The following NCAM1 variants were observed in gnomAD, a reference collection of about 807,000 sequenced individuals.
NCAM1 encodes the protein antigen recognized by monoclonal antibody 5.1H11.
In NCAM1, 14 loss-of-function variants were observed where a neutral mutation model predicts 109.8. The observed-to-expected ratio is 0.13, with a 90% CI of 0.08 to 0.20. NCAM1 has a LOEUF of 0.20. NCAM1 is among the 10% of genes least tolerant of loss of function. The pLI is 1.00. For synonymous variants in NCAM1, 418 were observed against 442.9 expected (o/e 0.94, Z 0.70); for missense variants, 774 against 1,109.9 (o/e 0.70, Z 4.30).
chr11:113,162,348 A>G (rs1942629593), intron 1 of NCAM1, among the ~76,000 whole-genome samples: 1 of 152,166 alleles, frequency 6.6e-6, no homozygotes, highest in Admixed American at 6.5e-5. Context: ...ATCCCATCTC[A>G]GGCTCCAGGT....
intron 1 of NCAM1, among the ~76,000 whole-genome samples, chr11:113,151,678 T>C (rs969443866): frequency 1.2e-4 from 19 of 152,280 alleles, no homozygotes; most frequent in African/African-American, 4.3e-4. Flanking sequence ...CTTCCGCTTC[T>C]GTCGTCAGTT....
intron 1 of NCAM1, among the ~76,000 whole-genome samples, chr11:113,183,066 CCCTT>C (rs1555108233): frequency 6.6e-6 from 1 of 152,126 alleles, no homozygotes; most frequent in African/African-American, 2.4e-5. Flanking sequence ...TTAGTCCAAC[CCCTT>C]CCTTTCTAAA....
chr11:113,016,140 G>A (rs1591249529), intron 1 of NCAM1, among the ~76,000 whole-genome samples: 2 of 152,302 alleles, frequency 1.3e-5, no homozygotes, highest in East Asian at 3.9e-4. Context: ...CTATTTAGGA[G>A]GTTGAGTTCA....
rs11828944 is a variant in NCAM1 at position 113,007,098 on chromosome 11, C to T, written c.52+45434C>T. The stretch of plus-strand genomic sequence containing the variant: ...CACAGATAGGAAGTGTTGCATTAAT[C>T]GGGGCAACTTTCCAAATAATTACAC... On this transcript the variant is annotated intron_variant, in intron 1 of 19. Transcript: ENST00000316851. Among the ~76,000 whole-genome samples, 1,512 of 152,290 alleles carry T rather than the reference C, an allele frequency of 9.9e-3. 27 individuals carry two copies. The highest frequency in any genetic ancestry group is 0.034 in the African/African-American group (1,416 of 41,548).
At chr11:113,114,170 G>A (rs989773837) in intron 1 of NCAM1, among the ~76,000 whole-genome samples, 1 of 152,196 alleles carries the variant, frequency 6.6e-6, no homozygotes, top group Non-Finnish European at 1.5e-5. Context: ...AGCCCAGTTT[G>A]GAATGAAGTC....
At chr11:113,270,625 T>C in intron 18 of NCAM1, 1 of 557,870 alleles carries the variant, frequency 1.8e-6, no homozygotes, top group Non-Finnish European at 3.2e-6. Context: ...TCTCTTGTAT[T>C]AGAATCTCCC....
intron 1 of NCAM1, among the ~76,000 whole-genome samples, chr11:112,979,250 A>AAAAC: frequency 6.6e-6 from 1 of 150,792 alleles, no homozygotes; most frequent in East Asian, 2.0e-4. Context: ...AACAAAAAAA[A>AAAAC]CCTGTAATTT....
At chr11:113,222,584 C>A (rs771410106) in intron 9 of NCAM1, among the ~76,000 whole-genome samples, 75 of 152,264 alleles carry the variant, frequency 4.9e-4, no homozygotes, top group Non-Finnish European at 7.5e-4. Context: ...CTTTATTGTC[C>A]AAAAGTCATG....
intron 16 of NCAM1, among the ~76,000 whole-genome samples, chr11:113,257,560 C>T (rs1265414853): frequency 6.6e-6 from 1 of 152,174 alleles, no homozygotes; most frequent in African/African-American, 2.4e-5. Context: ...CATCTCCAAC[C>T]ATGTCGGATG....
intron 1 of NCAM1, among the ~76,000 whole-genome samples, chr11:113,191,512 G>T (rs561693011): frequency 6.6e-6 from 1 of 152,180 alleles, no homozygotes; most frequent in Non-Finnish European, 1.5e-5. Context: ...AAGGGCTGTG[G>T]AGCTGGATCT....
chr11:113,076,885 C>T (rs372743029), intron 1 of NCAM1, among the ~76,000 whole-genome samples: 2 of 152,134 alleles, frequency 1.3e-5, no homozygotes, highest in African/African-American at 2.4e-5. Flanking sequence ...TGAATTACAA[C>T]TGAGCAGAAA....
intron 14 of NCAM1, chr11:113,242,828 G>A: frequency 6.2e-7 from 1 of 1,613,868 alleles, no homozygotes; most frequent in Non-Finnish European, 8.5e-7. Flanking sequence ...TCCTGCCCTT[G>A]CAACCACAGA....
chr11:113,273,163 C>T lies in NCAM1; in HGVS notation c.2456+1287C>T. 1 of 412,296 alleles carries T rather than the reference C, an allele frequency of 2.4e-6. No homozygotes were observed. Among genetic ancestry groups the T allele is most frequent in the Non-Finnish European group, 4.9e-6 (1 of 203,460 alleles). The allele number at this position is 412,296 out of a possible 1,614,324, so 25.5% of individuals were successfully genotyped here. ...TCCAAGGGGCCCAGCGCCTCTGCCC[C>T]CTCCCCGGCCCCAGCTTCAGCCCCC... On this transcript the variant is annotated intron_variant, in intron 19 of 19. Coordinates refer to ENST00000316851, the MANE Select transcript of NCAM1 (RefSeq NM_181351.5). The surrounding 1 kb of genome is among the most constrained non-coding windows in gnomAD (Gnocchi z 6.0).
At chr11:113,158,145 A>T (rs919510794) in intron 1 of NCAM1, among the ~76,000 whole-genome samples, 1 of 152,214 alleles carries the variant, frequency 6.6e-6, no homozygotes, top group Non-Finnish European at 1.5e-5. Context: ...TCATCAGACA[A>T]GTCTTTAAGT....
At chr11:113,213,196 G>A (rs2137007552) in intron 7 of NCAM1, among the ~76,000 whole-genome samples, 1 of 152,302 alleles carries the variant, frequency 6.6e-6, no homozygotes, top group East Asian at 1.9e-4. Context: ...AGCACATGTA[G>A]TCTTTCAAAA....
intron 1 of NCAM1, among the ~76,000 whole-genome samples, chr11:113,009,645 C>G (rs1219997387): frequency 6.6e-6 from 1 of 152,090 alleles, no homozygotes; most frequent in Admixed American, 6.5e-5. Flanking sequence ...TGTTGTTCCT[C>G]TCTAGGACTC....
rs900455769 is a variant in NCAM1 at position 113,277,147 on chromosome 11, G to A, written c.*1760G>A. 25 of 393,600 alleles carry A rather than the reference G, an allele frequency of 6.4e-5. No individual in the cohort carries two copies. The highest frequency in any genetic ancestry group is 8.5e-5 in the Non-Finnish European group (19 of 223,362). 24.4% of individuals were successfully genotyped at this position (393,600 alleles called of 1,614,324 possible). On this transcript the variant is annotated 3_prime_UTR_variant, in exon 20 of 20. Transcript: ENST00000316851. ...CTAAGTAAACAGAAATCAGTACTCC[G>A]CATGCGCTCCTCTCCTAAGGTACAA...
At chr11:113,094,088 T>C (rs1555089898) in intron 1 of NCAM1, among the ~76,000 whole-genome samples, 1 of 152,130 alleles carries the variant, frequency 6.6e-6, no homozygotes, top group East Asian at 1.9e-4. Context: ...GAGGGAAACA[T>C]AGGGTCCCCT....
intron 1 of NCAM1, among the ~76,000 whole-genome samples, chr11:113,063,628 G>A (rs1236136905): frequency 6.6e-6 from 1 of 152,108 alleles, no homozygotes; most frequent in Non-Finnish European, 1.5e-5. Flanking sequence ...GACATTACTT[G>A]GATGGGGTTC....
Sources: gnomAD v4.1 joint callset for allele counts (sites outside exome capture counted in the v4.1 genomes callset) on GRCh38, gnomAD v4.1.1 for gene constraint, Gnocchi (gnomAD v3.1) non-coding constraint, MANE v1.5 for transcripts, NCBI Gene and HGNC (gene_info 2026-07-23, HGNC 2026-07-21) for gene names.